Variants in CDH7 observed in about 807,000 individuals in gnomAD.
CDH7 encodes cadherin 7.
A neutral mutation model predicts 71.8 loss-of-function variants in CDH7; 25 were observed. The ratio of observed to expected loss-of-function variants is 0.35; its 90% CI spans 0.25 to 0.49. CDH7 has a LOEUF of 0.49. Among genes scored for constraint, CDH7 ranks in the 20% least tolerant of loss-of-function variants. The pLI is 0.99. For synonymous variants in CDH7, 381 were observed against 363.8 expected (o/e 1.05, Z -0.54); for missense variants, 862 against 974.6 (o/e 0.88, Z 1.54).
chr18:65,864,423 C>T (rs1282262325), intron 11 of CDH7, among the ~76,000 whole-genome samples: 1 of 145,914 alleles, frequency 6.9e-6, no homozygotes, highest in African/African-American at 2.5e-5. Context: ...TTTTTTTGCT[C>T]ACCAGATATT....
chr18:65,865,445 A>T (rs1913724623), intron 11 of CDH7: 1 of 152,072 alleles, frequency 6.6e-6, no homozygotes, highest in African/African-American at 2.4e-5. Context: ...ACTTCTAAGG[A>T]TCAATTTTTT....
At position 65,757,413 on chromosome 18, in the gene CDH7, A is replaced by G. The variant is rs186533330; in HGVS notation, c.-196-5234A>G. On this transcript the variant is annotated intron_variant, in intron 1 of 11. Coordinates refer to ENST00000397968, the MANE Select transcript of CDH7 (RefSeq NM_004361.5). ...TTCTTTTTGCTTCAGTCCGTTCAAA[A>G]TATATTTTTCAGTGTTTTATTTTAT... Among the ~76,000 whole-genome samples the G allele has an allele frequency of 1.3e-3, 199 of 152,242 alleles. 1 individual carries two copies. Among genetic ancestry groups the G allele is most frequent in the East Asian group, 0.01 (52 of 5,180 alleles).
intron 9 of CDH7, among the ~76,000 whole-genome samples, chr18:65,859,352 A>T (rs544174397): frequency 6.6e-6 from 1 of 152,146 alleles, no homozygotes; most frequent in African/African-American, 2.4e-5. Context: ...TTCCTACCTT[A>T]CCCAACCGGG....
chr18:65,766,871 G>GT (rs1280474728), intron 2 of CDH7, among the ~76,000 whole-genome samples: 1 of 120,416 alleles, frequency 8.3e-6, no homozygotes, highest in African/African-American at 2.9e-5. Context: ...TTAACGTCCT[G>GT]TAACTGTCTG....
At chr18:65,861,815 C>T (rs1164912871) in intron 10 of CDH7, among the ~76,000 whole-genome samples, 13 of 152,130 alleles carry the variant, frequency 8.5e-5, no homozygotes, top group African/African-American at 3.1e-4. Flanking sequence ...GATAAAAGCA[C>T]ACTGCATGAA....
intron 2 of CDH7, among the ~76,000 whole-genome samples, chr18:65,792,421 G>A (rs1910747758): frequency 6.6e-6 from 1 of 152,054 alleles, no homozygotes; most frequent in South Asian, 2.1e-4. Flanking sequence ...CCTCAGAGAA[G>A]CTTGCAGGTG....
intron 6 of CDH7, among the ~76,000 whole-genome samples, chr18:65,837,980 A>G (rs1253625889): frequency 7.0e-6 from 1 of 142,082 alleles, no homozygotes; most frequent in Admixed American, 7.4e-5. Context: ...GCTGGAGTGC[A>G]GTGGTACAAT....
chr18:65,821,502 T>C (rs1911926942), intron 4 of CDH7, among the ~76,000 whole-genome samples: 1 of 152,138 alleles, frequency 6.6e-6, no homozygotes, highest in Non-Finnish European at 1.5e-5. Context: ...TTAGAATAAA[T>C]GAGTAATGTC....
chr18:65,819,546 C>A (rs1017009226), intron 4 of CDH7, among the ~76,000 whole-genome samples: 1 of 152,058 alleles, frequency 6.6e-6, no homozygotes, highest in Non-Finnish European at 1.5e-5. Context: ...AAACCAGTAT[C>A]TTTAATGTCT....
intron 2 of CDH7, among the ~76,000 whole-genome samples, chr18:65,778,529 C>CTTTTTTTGTTTTTT (rs1910046671): frequency 1.2e-5 from 1 of 84,340 alleles, no homozygotes; most frequent in African/African-American, 4.4e-5. Flanking sequence ...GCGTCTCACT[C>CTTTTTTTGTTTTTT]TTTTTTTTTT....
chr18:65,798,283 G>A (rs571412451), intron 2 of CDH7, among the ~76,000 whole-genome samples: 1 of 152,294 alleles, frequency 6.6e-6, no homozygotes, highest in East Asian at 1.9e-4. Flanking sequence ...ACTGCCTGGG[G>A]CTACAACTTT....
At chr18:65,872,292 GA>G (rs1219321498) in intron 11 of CDH7, among the ~76,000 whole-genome samples, 2 of 152,102 alleles carry the variant, frequency 1.3e-5, no homozygotes, top group African/African-American at 4.8e-5. Flanking sequence ...AAATAGCAGG[GA>G]AAACTCAGAT....
chr18:65,814,517 G>A lies in CDH7; in HGVS notation c.538G>A (p.Ala180Thr). ...TSVVQVTATD[A>T]DDPTYGNSAR... ...AGTGGTACAAGTGACAGCGACGGAT[G>A]CTGATGATCCTACATATGGCAACAG... is the stretch of plus-strand genomic sequence containing the variant. The change falls in exon 4 of 12, where the codon GCT (alanine) becomes ACT (threonine). Residue 180 changes from alanine to threonine, a missense_variant. Transcript: ENST00000397968. 6.2e-7 allele frequency: 1 copy of A among 1,613,872 alleles called. No individual in the cohort carries two copies. The highest frequency in any genetic ancestry group is 8.5e-7 in the Non-Finnish European group (1 of 1,179,828).
intron 6 of CDH7, among the ~76,000 whole-genome samples, chr18:65,829,203 T>A (rs1446734098): frequency 1.3e-5 from 2 of 152,048 alleles, no homozygotes; most frequent in African/African-American, 4.8e-5. Context: ...CACTGCAAGC[T>A]CCGCCTCCCG....
intron 6 of CDH7, among the ~76,000 whole-genome samples, chr18:65,827,341 A>C (rs1250021060): frequency 6.6e-6 from 1 of 151,852 alleles, no homozygotes; most frequent in Non-Finnish European, 1.5e-5. Flanking sequence ...GGTGGTGAAA[A>C]ATTTCATAAT....
chr18:65,796,858 C>T (rs111443894), intron 2 of CDH7, among the ~76,000 whole-genome samples: 1 of 152,068 alleles, frequency 6.6e-6, no homozygotes, highest in African/African-American at 2.4e-5. Context: ...ATCGAATATA[C>T]TTCTATATTT....
chr18:65,833,879 A>T (rs1599038202), intron 6 of CDH7, among the ~76,000 whole-genome samples: 2 of 152,208 alleles, frequency 1.3e-5, no homozygotes, highest in African/African-American at 4.8e-5. Flanking sequence ...TTGTTCACTT[A>T]AGAGTATTTC....
chr18:65,803,858 TAAAA>T (rs36022604), intron 2 of CDH7: 1 of 143,056 alleles, frequency 7.0e-6, no homozygotes, highest in Non-Finnish European at 1.5e-5. Flanking sequence ...AATCAGTGGT[TAAAA>T]AAAAAAAAAG....
chr18:65,828,383 A>T (rs1912209744), intron 6 of CDH7, among the ~76,000 whole-genome samples: 1 of 152,142 alleles, frequency 6.6e-6, no homozygotes. Flanking sequence ...GTTTTAACTG[A>T]GTGAGTCCAC....
Sources: gnomAD v4.1 joint callset for allele counts (sites outside exome capture counted in the v4.1 genomes callset) on GRCh38, gnomAD v4.1.1 for gene constraint, MANE v1.5 for transcripts, NCBI Gene and HGNC (gene_info 2026-07-23, HGNC 2026-07-21) for gene names.